IQSEC1: variants seen among roughly 807,000 people sequenced by gnomAD.
IQSEC1 encodes IQ motif and Sec7 domain ArfGEF 1.
A neutral mutation model predicts 91.0 loss-of-function variants in IQSEC1; 31 were observed. The observed-to-expected ratio is 0.34, with a 90% confidence interval of 0.26 to 0.46. The LOEUF is 0.46. Ranked by LOEUF, IQSEC1 falls within the 20% of genes least tolerant of loss-of-function variation. The pLI, the probability that IQSEC1 is intolerant of heterozygous loss-of-function variation, is 1.00. For missense variants in IQSEC1, 1,388 were observed against 1,575.6 expected, an observed-to-expected ratio of 0.88 and a Z score of 2.02; for synonymous variants, 699 against 662.6, an observed-to-expected ratio of 1.05 and a Z score of -0.84.
intron 2 of IQSEC1, among the ~76,000 whole-genome samples, chr3:13,121,347 T>A: frequency 6.6e-6 from 1 of 152,170 alleles, no homozygotes; most frequent in East Asian, 1.9e-4. Flanking sequence ...AAGAAGCCAA[T>A]GTCATTCTCA....
chr3:13,061,675 G>A (rs759871835), intron 1 of IQSEC1, among the ~76,000 whole-genome samples: 36 of 152,316 alleles, frequency 2.4e-4, no homozygotes, highest in Non-Finnish European at 4.4e-4. Context: ...CCAGGGATCT[G>A]GCTGCCCTGG....
upstream of IQSEC1, among the ~76,000 whole-genome samples, chr3:13,075,228 A>G (rs1272282070): frequency 6.6e-6 from 1 of 152,116 alleles, no homozygotes; most frequent in Non-Finnish European, 1.5e-5. Context: ...AGGAGGGCTC[A>G]CTTTGTGTCA....
intron 1 of IQSEC1, among the ~76,000 whole-genome samples, chr3:12,990,305 A>AACTC (rs1490804250): frequency 1.3e-5 from 2 of 152,210 alleles, no homozygotes; most frequent in African/African-American, 4.8e-5. Context: ...CGATGAGGGA[A>AACTC]ACTCACTGCC....
chr3:13,046,857 A>G (rs1331236180), intron 1 of IQSEC1, among the ~76,000 whole-genome samples: 1 of 152,236 alleles, frequency 6.6e-6, no homozygotes, highest in Non-Finnish European at 1.5e-5. Context: ...CACTGCCAGG[A>G]CAGTCTGCCT....
rs1039711551 is a variant in IQSEC1, at chr3:13,191,029, T to C, written c.273-26896A>G. Among the ~76,000 whole-genome samples the C allele has an allele frequency of 5.9e-4, 90 of 152,324 alleles. 1 individual carries two copies. The highest frequency in any genetic ancestry group is 4.7e-3 in the Admixed American group (72 of 15,306). On this transcript the variant is annotated intron_variant, in intron 1 of 15. Transcript: ENST00000648114. ...CCTGCCCCCAACACACCCCTTGCCATGGCCGTCCTGTGGGCAGGACATACC... is the reference window on the plus strand; with the variant it reads ...CCTGCCCCCAACACACCCCTTGCCACGGCCGTCCTGTGGGCAGGACATACC...
intron 2 of IQSEC1, among the ~76,000 whole-genome samples, chr3:13,150,365 A>G (rs1018862348): frequency 2.0e-5 from 3 of 152,192 alleles, no homozygotes; most frequent in African/African-American, 4.8e-5. Flanking sequence ...TCATTCTGCA[A>G]AGGGAATGTG....
At chr3:13,067,927 T>TG (rs1705289990) in intron 1 of IQSEC1, among the ~76,000 whole-genome samples, 1 of 152,184 alleles carries the variant, frequency 6.6e-6, no homozygotes. Flanking sequence ...CAGGGGGCCT[T>TG]GGGGGGCTTC....
intron 6 of IQSEC1, among the ~76,000 whole-genome samples, chr3:12,919,485 G>A (rs2569995): frequency 0.81 from 122,596 of 152,196 alleles, 50,071 homozygotes; most frequent in African/African-American, 0.91. Flanking sequence ...AGGGCACCTG[G>A]AGACCCCGGA....
intron 1 of IQSEC1, among the ~76,000 whole-genome samples, chr3:12,987,994 C>G (rs1701823157): frequency 6.6e-6 from 1 of 152,246 alleles, no homozygotes; most frequent in South Asian, 2.1e-4. Context: ...CCAGAGACAG[C>G]TCATGCCATG....
At chr3:12,920,324 G>T in intron 6 of IQSEC1, 106 bp downstream of exon 6, 2 of 1,144,274 alleles carry the variant, frequency 1.7e-6, no homozygotes, top group African/African-American at 1.5e-5. Flanking sequence ...CCGGAGCACA[G>T]CTCCCCAACT....
At chr3:13,179,829 C>G (rs942174369) in intron 1 of IQSEC1, among the ~76,000 whole-genome samples, 1 of 152,198 alleles carries the variant, frequency 6.6e-6, no homozygotes. Context: ...GGCATGGGCT[C>G]GGCGGGCCCT....
chr3:13,149,519 G>A (rs1271436586), intron 2 of IQSEC1, among the ~76,000 whole-genome samples: 2 of 152,158 alleles, frequency 1.3e-5, no homozygotes, highest in Non-Finnish European at 2.9e-5. Context: ...AGCTGGGGAG[G>A]AGGGGAGAGG....
At chr3:13,016,361 C>T (rs1703131636) in intron 1 of IQSEC1, among the ~76,000 whole-genome samples, 1 of 152,236 alleles carries the variant, frequency 6.6e-6, no homozygotes, top group Admixed American at 6.5e-5. Context: ...CAGTGGCCGG[C>T]CGCCACATCT....
chr3:13,067,495 G>A (rs1449997773), intron 1 of IQSEC1, among the ~76,000 whole-genome samples: 2 of 152,244 alleles, frequency 1.3e-5, no homozygotes, highest in Non-Finnish European at 2.9e-5. Context: ...CACAGTGGCA[G>A]TGACCAACAC....
At chr3:13,165,868 G>A (rs1181107110) in intron 1 of IQSEC1, among the ~76,000 whole-genome samples, 1 of 152,170 alleles carries the variant, frequency 6.6e-6, no homozygotes, top group African/African-American at 2.4e-5. Flanking sequence ...CTGGTCCACT[G>A]TGCGCTGACC....
chr3:13,175,574 CT>C (rs1309300386), intron 1 of IQSEC1, among the ~76,000 whole-genome samples: 2 of 152,228 alleles, frequency 1.3e-5, no homozygotes, highest in African/African-American at 4.8e-5. Context: ...ACTGGATTCC[CT>C]TTGTGAATAT....
chr3:12,902,871 G>C (rs1171147147), intron 12 of IQSEC1, 49 bp from the exon 13 acceptor site: 2 of 1,394,604 alleles, frequency 1.4e-6, no homozygotes, highest in Admixed American at 3.4e-5. Flanking sequence ...ATGAGGCTGG[G>C]GGTGCTGCCT....
intron 1 of IQSEC1, among the ~76,000 whole-genome samples, chr3:13,066,529 G>A (rs1462601491): frequency 2.6e-5 from 4 of 152,260 alleles, no homozygotes; most frequent in Admixed American, 6.5e-5. Flanking sequence ...GGGCACTCCC[G>A]GCAGAGGAGC....
chr3:13,237,827 C>T (rs929530053), intron 1 of IQSEC1, among the ~76,000 whole-genome samples: 1 of 152,228 alleles, frequency 6.6e-6, no homozygotes, highest in Non-Finnish European at 1.5e-5. Context: ...CTTCCCAAGC[C>T]CAGCTCAGCT....
Sources: allele counts gnomAD v4.1 joint callset (sites outside exome capture counted in the v4.1 genomes callset), GRCh38; gene constraint gnomAD v4.1.1; transcripts MANE v1.5; gene names NCBI Gene and HGNC (gene_info 2026-07-23, HGNC 2026-07-21).